The following CCDC85A variants were observed in gnomAD, a reference collection of about 807,000 sequenced individuals.
CCDC85A encodes coiled-coil domain-containing protein 85A.
In CCDC85A, 38 loss-of-function variants were observed where a neutral mutation model predicts 50.2. The observed-to-expected ratio is 0.76, with a 90% CI of 0.58 to 0.99. The LOEUF is 0.99. Among genes scored for constraint, CCDC85A ranks in the 50% least tolerant of loss-of-function variants. The pLI is 0.00. For synonymous variants in CCDC85A, 366 were observed against 301.4 expected (o/e 1.21, Z -2.22); for missense variants, 820 against 742.0 (o/e 1.11, Z -1.22).
At chr2:56,231,597 C>T (rs1305598131) in intron 2 of CCDC85A, among the ~76,000 whole-genome samples, 2 of 152,012 alleles carry the variant, frequency 1.3e-5, no homozygotes, top group African/African-American at 4.8e-5. Context: ...AGAACTTAGC[C>T]TTGGCAGTAT....
At chr2:56,366,972 A>G (rs1675827429) in intron 3 of CCDC85A, among the ~76,000 whole-genome samples, 1 of 151,922 alleles carries the variant, frequency 6.6e-6, no homozygotes, top group Non-Finnish European at 1.5e-5. Flanking sequence ...GATGTGTTTC[A>G]TGTGTCAGGG....
At chr2:56,371,000 A>G (rs188497227) in intron 3 of CCDC85A, among the ~76,000 whole-genome samples, 1 of 152,228 alleles carries the variant, frequency 6.6e-6, no homozygotes, top group African/African-American at 2.4e-5. Flanking sequence ...GTGGGAGGTG[A>G]GTATTAAGCT....
chr2:56,193,258 G>C lies in CCDC85A; in HGVS notation c.1058G>C (p.Arg353Thr). ...GGGGGGAGCCTAGAGCATCTCCCCA[G>C]AGCCAGGGGCACCAGCCCGGAGCAC... is the stretch of plus-strand genomic sequence containing the variant. ...ALGGSLEHLPRARGTSPEHLK... is the reference protein window; with the variant it reads ...ALGGSLEHLPTARGTSPEHLK... The change falls in exon 2 of 6, where the codon AGA becomes ACA. Residue 353 changes from arginine to threonine, a missense_variant. Arg to Thr is a moderately conservative substitution (Grantham distance 71). Coordinates refer to ENST00000407595, the MANE Select transcript of CCDC85A (RefSeq NM_001080433.2). The C allele has an allele frequency of 1.9e-6, 3 of 1,611,524 alleles. No homozygotes were observed. The highest frequency in any genetic ancestry group is 2.5e-6 in the Non-Finnish European group (3 of 1,179,084).
intron 3 of CCDC85A, among the ~76,000 whole-genome samples, chr2:56,368,748 C>A (rs1352447964): frequency 6.6e-6 from 1 of 151,854 alleles, no homozygotes. Context: ...TTATGTAACA[C>A]TACAGTATTA....
intron 2 of CCDC85A, among the ~76,000 whole-genome samples, chr2:56,206,075 AG>A (rs1676946394): frequency 6.6e-6 from 1 of 152,186 alleles, no homozygotes; most frequent in African/African-American, 2.4e-5. Flanking sequence ...AGGAACAGTG[AG>A]GAGATGAGTA....
intron 2 of CCDC85A, among the ~76,000 whole-genome samples, chr2:56,211,051 TTATG>T (rs751129843): frequency 4.6e-5 from 7 of 152,080 alleles, no homozygotes; most frequent in Non-Finnish European, 8.8e-5. Flanking sequence ...CTTTACCAAC[TTATG>T]TTATCTGACC....
chr2:56,373,930 GGAA>G (rs1162539941), intron 4 of CCDC85A, among the ~76,000 whole-genome samples: 7 of 152,250 alleles, frequency 4.6e-5, no homozygotes, highest in Admixed American at 1.3e-4. Flanking sequence ...AAAGTATAGA[GGAA>G]GAAGATGTCC....
intron 2 of CCDC85A, among the ~76,000 whole-genome samples, chr2:56,218,317 A>T (rs1039462700): frequency 6.6e-6 from 1 of 151,844 alleles, no homozygotes; most frequent in East Asian, 1.9e-4. Flanking sequence ...TAGTTCTCTA[A>T]TTTTTTTAAA....
chr2:56,301,168 C>T (rs950068403), intron 2 of CCDC85A, among the ~76,000 whole-genome samples: 4 of 152,090 alleles, frequency 2.6e-5, no homozygotes, highest in Non-Finnish European at 5.9e-5. Flanking sequence ...AAAATCTTTT[C>T]TTAATCACAA....
At chr2:56,202,219 C>T (rs973164522) in intron 2 of CCDC85A, among the ~76,000 whole-genome samples, 56 of 152,262 alleles carry the variant, frequency 3.7e-4, no homozygotes, top group African/African-American at 1.2e-3. Context: ...ACCTGGTGAT[C>T]TATTTATTAG....
intron 3 of CCDC85A, among the ~76,000 whole-genome samples, chr2:56,363,736 C>T (rs1675652219): frequency 6.6e-6 from 1 of 152,192 alleles, no homozygotes; most frequent in African/African-American, 2.4e-5. Context: ...TTCCCCTGGG[C>T]CCTGATAGCA....
chr2:56,213,924 G>C (rs1482375014), intron 2 of CCDC85A, among the ~76,000 whole-genome samples: 1 of 151,864 alleles, frequency 6.6e-6, no homozygotes, highest in Non-Finnish European at 1.5e-5. Flanking sequence ...TGTAATTTGG[G>C]GAAGGAAGGT....
intron 3 of CCDC85A, among the ~76,000 whole-genome samples, chr2:56,347,887 T>C (rs1202178922): frequency 2.0e-5 from 3 of 152,230 alleles, no homozygotes; most frequent in Non-Finnish European, 4.4e-5. Context: ...ACATAGTCGA[T>C]ATGTTTATAT....
chr2:56,240,925 A>T (rs1407324521), intron 2 of CCDC85A, among the ~76,000 whole-genome samples: 1 of 152,146 alleles, frequency 6.6e-6, no homozygotes, highest in African/African-American at 2.4e-5. Flanking sequence ...GTGACTCTAT[A>T]TTTAACTTTT....
chr2:56,325,066 C>G (rs1673398296), intron 2 of CCDC85A, among the ~76,000 whole-genome samples: 1 of 151,918 alleles, frequency 6.6e-6, no homozygotes, highest in East Asian at 1.9e-4. Flanking sequence ...AAGAAGCACT[C>G]TTGAATTTTG....
At chr2:56,184,934 G>T in intron 1 of CCDC85A, 34 bp downstream of exon 1, 1 of 1,450,228 alleles carries the variant, frequency 6.9e-7, no homozygotes, top group Non-Finnish European at 9.0e-7. Flanking sequence ...GCGCGGCGCG[G>T]CTGGGAGCGG....
chr2:56,296,087 A>G (rs958665341), intron 2 of CCDC85A, among the ~76,000 whole-genome samples: 1 of 152,190 alleles, frequency 6.6e-6, no homozygotes, highest in African/African-American at 2.4e-5. Flanking sequence ...CCTTTCCTCT[A>G]TGTGAAAATG....
chr2:56,296,231 G>C lies in CCDC85A; in HGVS notation c.1241-46648G>C, dbSNP rs78800128. The stretch of plus-strand genomic sequence containing the variant: ...TTTGATGGCCTGGGTACCCTTTTTT[G>C]CTATTTTAACAGCACCTGTGGTAAA... On this transcript the variant is annotated intron_variant, in intron 2 of 5. Coordinates refer to ENST00000407595, the MANE Select transcript of CCDC85A (RefSeq NM_001080433.2). Among the ~76,000 whole-genome samples the C allele has an allele frequency of 1.4e-4, 21 of 151,828 alleles. 1 individual carries two copies. In the East Asian group the frequency reaches 3.9e-3, roughly 28 times the overall value.
At chr2:56,363,714 T>G (rs1189465275) in intron 3 of CCDC85A, among the ~76,000 whole-genome samples, 1 of 152,198 alleles carries the variant, frequency 6.6e-6, no homozygotes, top group Admixed American at 6.5e-5. Flanking sequence ...GGGCTCTAGT[T>G]CTGTGCATGT....
Sources: gnomAD v4.1 joint callset for allele counts (sites outside exome capture counted in the v4.1 genomes callset) on GRCh38, gnomAD v4.1.1 for gene constraint, MANE v1.5 for transcripts, NCBI Gene and HGNC (gene_info 2026-07-23, HGNC 2026-07-21) for gene names.